Variants in NRG4 observed in about 807,000 individuals in gnomAD.
The protein encoded by NRG4 is pro-neuregulin-4, membrane-bound isoform.
A neutral mutation model predicts 15.0 loss-of-function variants in NRG4; 10 were observed. The ratio of observed to expected loss-of-function variants is 0.67; its 90% CI spans 0.41 to 1.13. The LOEUF (loss-of-function observed/expected upper bound fraction) is 1.13. Ranked by LOEUF, NRG4 falls within the 50% of genes most tolerant of loss-of-function variation. NRG4 has a pLI of 0.00. For missense variants in NRG4, 139 were observed against 140.2 expected (o/e 0.99, Z 0.04); for synonymous variants, 41 against 50.1 (o/e 0.82, Z 0.77).
chr15:75,999,604 C>A (rs2034334175), intron 3 of NRG4, among the ~76,000 whole-genome samples: 1 of 152,166 alleles, frequency 6.6e-6, no homozygotes, highest in Non-Finnish European at 1.5e-5. Context: ...GCTTCCCAGC[C>A]TTCAGAACTG....
intron 5 of NRG4, among the ~76,000 whole-genome samples, chr15:76,023,130 CCACACACACACACACA>C (rs10572540): frequency 0.013 from 1,610 of 120,174 alleles, 27 homozygotes; most frequent in African/African-American, 0.025. Context: ...CACCCATACT[CCACACACACACACACA>C]CACACACACA....
At chr15:75,976,414 G>A (rs2033368459) in intron 3 of NRG4, among the ~76,000 whole-genome samples, 1 of 152,164 alleles carries the variant, frequency 6.6e-6, no homozygotes, top group African/African-American at 2.4e-5. Context: ...AGGAGAAGAG[G>A]CGTTCTGGCT....
intron 3 of NRG4, among the ~76,000 whole-genome samples, chr15:75,963,173 T>C (rs2141817903): frequency 6.6e-6 from 1 of 152,306 alleles, no homozygotes; most frequent in East Asian, 1.9e-4. Flanking sequence ...AGATGTTTCA[T>C]GAACTTCAAG....
rs895393503 is a variant in NRG4 at position 76,047,683 on chromosome 15, C to T, written c.-105+4384G>A. On this transcript the variant is annotated intron_variant, in intron 4 of 8. Transcript: ENST00000563910. Reference sequence around the variant, plus strand: ...ATAAATGTATTTATTACCAATAAACCGTACACTTAAAAGTGGTAAAGATGG... The same window carrying T: ...ATAAATGTATTTATTACCAATAAACTGTACACTTAAAAGTGGTAAAGATGG... Among the ~76,000 whole-genome samples, 13 of 150,214 alleles carry T rather than the reference C, an allele frequency of 8.7e-5. 1 individual carries two copies. Among genetic ancestry groups the T allele is most frequent in the African/African-American group, 2.2e-4 (9 of 40,208 alleles).
upstream of NRG4, among the ~76,000 whole-genome samples, chr15:76,014,775 C>T (rs955473177): frequency 4.6e-5 from 7 of 152,052 alleles, no homozygotes; most frequent in East Asian, 1.9e-4. Context: ...AGTCAGGTAG[C>T]GTGATGCCTC....
At chr15:75,966,286 A>G (rs2032791636) in intron 3 of NRG4, among the ~76,000 whole-genome samples, 1 of 152,208 alleles carries the variant, frequency 6.6e-6, no homozygotes, top group South Asian at 2.1e-4. Flanking sequence ...AGCTTCAAGA[A>G]ACATTACTGG....
chr15:75,973,059 T>C (rs1456585271), intron 3 of NRG4, among the ~76,000 whole-genome samples: 1 of 152,204 alleles, frequency 6.6e-6, no homozygotes, highest in Non-Finnish European at 1.5e-5. Flanking sequence ...AGCAGTGTTT[T>C]GTAGTACTCC....
At chr15:75,987,523 C>T (rs1401126783) in intron 3 of NRG4, among the ~76,000 whole-genome samples, 1 of 152,044 alleles carries the variant, frequency 6.6e-6, no homozygotes, top group Non-Finnish European at 1.5e-5. Flanking sequence ...GAGATCAGTG[C>T]CCTTATAAGA....
intron 1 of NRG4, among the ~76,000 whole-genome samples, chr15:76,057,801 CTATTA>C (rs1050609798): frequency 4.0e-5 from 6 of 150,676 alleles, no homozygotes; most frequent in South Asian, 2.1e-4. Context: ...AATACAATGG[CTATTA>C]TATTATAAAT....
At chr15:76,044,410 C>T (rs1363831818) in intron 4 of NRG4, among the ~76,000 whole-genome samples, 2 of 150,814 alleles carry the variant, frequency 1.3e-5, no homozygotes, top group South Asian at 2.1e-4. Context: ...AAGAATGAAA[C>T]TCGACCCCTA....
At chr15:75,949,962 G>C (rs1451157943) in intron 5 of NRG4, among the ~76,000 whole-genome samples, 1 of 152,106 alleles carries the variant, frequency 6.6e-6, no homozygotes, top group Non-Finnish European at 1.5e-5. Flanking sequence ...TAGGTCCTTT[G>C]CGTTTCCATG....
chr15:75,955,179 C>G (rs1022388209), intron 5 of NRG4, among the ~76,000 whole-genome samples: 3 of 152,112 alleles, frequency 2.0e-5, no homozygotes, highest in Non-Finnish European at 2.9e-5. Context: ...CTGGAGTTCT[C>G]TCTTCATACA....
At chr15:76,050,587 C>G (rs548289581) in intron 4 of NRG4, among the ~76,000 whole-genome samples, 2 of 144,304 alleles carry the variant, frequency 1.4e-5, no homozygotes, top group African/African-American at 5.4e-5. Flanking sequence ...CTCACCACCA[C>G]GCTCGGCTAA....
Position 75,967,228 on chromosome 15 carries a change from G to C in NRG4, c.105-5254C>G, listed in dbSNP as rs552345693. ...GCCGAGAAACAGTGAGAGAAGACTA[G>C]CTTGTGACCTTTGCATCTTTTATTA... On this transcript the variant is annotated intron_variant, in intron 3 of 5. Transcript: ENST00000394907. Among the ~76,000 whole-genome samples, 16 of 151,138 alleles carry C rather than the reference G, an allele frequency of 1.1e-4. No homozygotes were observed. In the East Asian group the frequency reaches 2.1e-3, roughly 20 times the overall value.
upstream of NRG4, among the ~76,000 whole-genome samples, chr15:76,017,041 A>G (rs972827807): frequency 6.6e-6 from 1 of 150,448 alleles, no homozygotes; most frequent in African/African-American, 2.4e-5. Flanking sequence ...TAGGATAGTT[A>G]TCTCTTCTTT....
At chr15:76,011,022 A>T (rs1319211003) in intron 2 of NRG4, among the ~76,000 whole-genome samples, 199 bp downstream of exon 2, 1 of 152,118 alleles carries the variant, frequency 6.6e-6, no homozygotes, top group African/African-American at 2.4e-5. Context: ...CATATATCTA[A>T]AATAAAATAG....
intron 1 of NRG4, among the ~76,000 whole-genome samples, chr15:76,057,771 T>G (rs334930): frequency 0.82 from 124,160 of 151,508 alleles, 51,132 homozygotes; most frequent in South Asian, 0.89. Flanking sequence ...ACACGTAAAC[T>G]TTATTAGCAT....
intron 5 of NRG4, among the ~76,000 whole-genome samples, chr15:75,953,531 T>TA (rs1204549034): frequency 6.6e-6 from 1 of 152,258 alleles, no homozygotes; most frequent in African/African-American, 2.4e-5. Flanking sequence ...TTGCTGGATG[T>TA]AGAATTATAG....
intron 4 of NRG4, among the ~76,000 whole-genome samples, chr15:76,049,378 T>C (rs2035944884): frequency 6.6e-6 from 1 of 150,936 alleles, no homozygotes; most frequent in African/African-American, 2.5e-5. Flanking sequence ...CCATTTTATT[T>C]GCTCACCCCA....
Sources: allele counts gnomAD v4.1 joint callset (sites outside exome capture counted in the v4.1 genomes callset), GRCh38; gene constraint gnomAD v4.1.1; transcripts MANE v1.5; gene names NCBI Gene and HGNC (gene_info 2026-07-23, HGNC 2026-07-21).